RABGAP1L: variants seen among roughly 807,000 people sequenced by gnomAD.
RABGAP1L encodes the protein rab GTPase-activating protein 1-like.
RABGAP1L carries 63 observed loss-of-function variants against 137.7 expected under a neutral mutation model. The ratio of observed to expected loss-of-function variants is 0.46; its 90% confidence interval spans 0.37 to 0.56. RABGAP1L has a LOEUF of 0.56. Ranked by LOEUF, RABGAP1L falls within the 20% of genes least tolerant of loss-of-function variation. RABGAP1L has a pLI of 0.00. For missense variants in RABGAP1L, 1,095 were observed against 1,244.0 expected (o/e 0.88, Z 1.80); for synonymous variants, 431 against 433.7 (o/e 0.99, Z 0.08).
intron 20 of RABGAP1L, among the ~76,000 whole-genome samples, chr1:174,963,204 A>G (rs1182830488): frequency 5.9e-5 from 9 of 152,218 alleles, no homozygotes. Flanking sequence ...ATGTTATGAA[A>G]TAATGTGCTT....
At position 174,833,449 on chromosome 1, in the gene RABGAP1L, GATATATATAT is replaced by G. The variant is rs760181639; in HGVS notation, c.2340+21499_2340+21508del. ...ATATATATATGTGTGTGTGTGTAGA[GATATATATAT>G]ATATATATAGTAGAGACAGGGTTCT... On this transcript the variant is annotated intron_variant, in intron 19 of 25. Coordinates refer to ENST00000681986, the MANE Select transcript of RABGAP1L (RefSeq NM_001366446.1). Among the ~76,000 whole-genome samples the G allele has an allele frequency of 3.6e-4, 10 of 27,828 alleles. 3 individuals carry two copies. The highest frequency in any genetic ancestry group is 5.5e-4 in the Non-Finnish European group (5 of 9,048). The allele number at this position is 27,828 out of a possible 152,430, so 18.3% of individuals were successfully genotyped here. A position where few individuals can be genotyped will look rare whatever the true frequency, so the allele number is the denominator to read the frequency against.
chr1:174,272,541 G>A (rs1312889848), intron 8 of RABGAP1L, 61 bp downstream of exon 8: 18 of 1,407,550 alleles, frequency 1.3e-5, no homozygotes, highest in Non-Finnish European at 1.7e-5. Context: ...TATTTGACAA[G>A]TATTTTCTAT....
intron 13 of RABGAP1L, among the ~76,000 whole-genome samples, chr1:174,518,194 A>G (rs776129891): frequency 3.0e-4 from 46 of 152,204 alleles, no homozygotes; most frequent in Non-Finnish European, 5.9e-4. Context: ...GGTCCAGGCA[A>G]GAGTATGTTT....
rs116576564 is a variant in RABGAP1L at position 174,433,274 on chromosome 1, A to G, written c.1710+39129A>G. Among the ~76,000 whole-genome samples the G allele has an allele frequency of 7.2e-3, 1,097 of 152,304 alleles. 11 individuals are homozygous for G. The highest frequency in any genetic ancestry group is 0.025 in the African/African-American group (1,044 of 41,570). ...ATCTCCTTGTCTTCAAACTTAATAAATGTTTATTAAAGGTAATAACATACC... is the reference window on the plus strand; with the variant it reads ...ATCTCCTTGTCTTCAAACTTAATAAGTGTTTATTAAAGGTAATAACATACC... On this transcript the variant is annotated intron_variant, in intron 13 of 25. Transcript: ENST00000681986.
At chr1:174,305,836 T>A (rs1678183426) in intron 11 of RABGAP1L, among the ~76,000 whole-genome samples, 1 of 152,192 alleles carries the variant, frequency 6.6e-6, no homozygotes, top group Non-Finnish European at 1.5e-5. Context: ...TACATATGTA[T>A]ACATGTGCCA....
chr1:174,701,138 C>T, intron 16 of RABGAP1L: 1 of 1,304,516 alleles, frequency 7.7e-7, no homozygotes, highest in Non-Finnish European at 1.0e-6. Flanking sequence ...CTTTGTCTTT[C>T]AGTTATGGTA....
chr1:174,281,409 G>A (rs1275056797), intron 10 of RABGAP1L, among the ~76,000 whole-genome samples: 1 of 152,140 alleles, frequency 6.6e-6, no homozygotes, highest in Non-Finnish European at 1.5e-5. Context: ...TGACTGGTGC[G>A]TTTTTACAGA....
intron 7 of RABGAP1L, among the ~76,000 whole-genome samples, chr1:174,257,061 T>A (rs959809127): frequency 6.6e-6 from 1 of 152,160 alleles, no homozygotes; most frequent in Non-Finnish European, 1.5e-5. Context: ...CCCAGTACTA[T>A]ATAATTGACT....
chr1:174,794,437 G>T (rs1048226769), intron 18 of RABGAP1L, among the ~76,000 whole-genome samples: 2 of 152,230 alleles, frequency 1.3e-5, no homozygotes, highest in African/African-American at 2.4e-5. Context: ...ACTACTAGTT[G>T]TTGAGCACCT....
At chr1:174,236,363 G>T in intron 4 of RABGAP1L, among the ~76,000 whole-genome samples, 1 of 112,474 alleles carries the variant, frequency 8.9e-6, no homozygotes, top group African/African-American at 3.5e-5. Flanking sequence ...GTGATGTTAG[G>T]GTGTCAATTT....
chr1:174,254,765 CTT>C (rs1187572480), intron 7 of RABGAP1L, among the ~76,000 whole-genome samples: 1 of 152,130 alleles, frequency 6.6e-6, no homozygotes, highest in African/African-American at 2.4e-5. Context: ...GGTTCCAAGT[CTT>C]TGCTATTGTG....
intron 18 of RABGAP1L, among the ~76,000 whole-genome samples, chr1:174,765,651 A>G (rs1685607685): frequency 6.6e-6 from 1 of 151,762 alleles, no homozygotes; most frequent in Non-Finnish European, 1.5e-5. Flanking sequence ...AGGCTGAGCT[A>G]TAACAGTTCT....
chr1:174,533,518 C>T (rs144485831), intron 13 of RABGAP1L, among the ~76,000 whole-genome samples: 18 of 152,078 alleles, frequency 1.2e-4, no homozygotes, highest in African/African-American at 4.1e-4. Flanking sequence ...AAGACGATGA[C>T]GATGAAGACT....
intron 19 of RABGAP1L, among the ~76,000 whole-genome samples, chr1:174,885,477 C>A (rs1032048973): frequency 1.3e-5 from 2 of 152,158 alleles, no homozygotes; most frequent in Non-Finnish European, 2.9e-5. Flanking sequence ...CTCTCCTTAG[C>A]CTTCCAAGTA....
At chr1:174,633,711 G>T (rs1673654656) in intron 13 of RABGAP1L, among the ~76,000 whole-genome samples, 1 of 134,286 alleles carries the variant, frequency 7.4e-6, no homozygotes, top group Non-Finnish European at 1.6e-5. Flanking sequence ...ACAGAACAGA[G>T]CCCTCAGAAA....
intron 13 of RABGAP1L, among the ~76,000 whole-genome samples, chr1:174,506,806 C>A (rs962950052): frequency 6.6e-6 from 1 of 152,168 alleles, no homozygotes; most frequent in East Asian, 1.9e-4. Context: ...ACCACCTGTT[C>A]CCCAAAAACT....
At chr1:174,205,713 A>G (rs900439917) in intron 1 of RABGAP1L, among the ~76,000 whole-genome samples, 2 of 151,972 alleles carry the variant, frequency 1.3e-5, no homozygotes, top group Non-Finnish European at 2.9e-5. Flanking sequence ...AAGTTTTTCA[A>G]AAAACCAACT....
chr1:174,798,331 C>T (rs1037529933), intron 18 of RABGAP1L, among the ~76,000 whole-genome samples: 12 of 151,488 alleles, frequency 7.9e-5, no homozygotes, highest in African/African-American at 1.2e-4. Context: ...GATGTGAACC[C>T]GGGAGGCAGA....
At position 174,448,878 on chromosome 1, in the gene RABGAP1L, G is replaced by A. The variant is rs1571863378; in HGVS notation, c.1710+54733G>A. The A allele has an allele frequency of 6.2e-7, 1 of 1,613,768 alleles. No homozygotes were observed. Among genetic ancestry groups the A allele is most frequent in the South Asian group, 1.1e-5 (1 of 91,072 alleles). ...GAGGTAGATTCTTCCAGAGAGACTG[G>A]ACACAGCCCTGACCGTCGCTACGCC... On this transcript the variant is annotated intron_variant, in intron 13 of 25. Transcript: ENST00000681986. The surrounding 1 kb of genome is among the most constrained non-coding windows in gnomAD (Gnocchi z 4.2).
Sources: gnomAD v4.1 joint callset for allele counts (sites outside exome capture counted in the v4.1 genomes callset) on GRCh38, gnomAD v4.1.1 for gene constraint, Gnocchi (gnomAD v3.1) non-coding constraint, MANE v1.5 for transcripts, NCBI Gene and HGNC (gene_info 2026-07-23, HGNC 2026-07-21) for gene names.